KIAA0319L: variants seen among roughly 807,000 people sequenced by gnomAD.
The protein encoded by KIAA0319L is dyslexia-associated protein KIAA0319-like protein.
A neutral mutation model predicts 120.1 loss-of-function variants in KIAA0319L; 55 were observed. The ratio of observed to expected loss-of-function variants is 0.46; its 90% CI spans 0.37 to 0.57. The LOEUF (loss-of-function observed/expected upper bound fraction) is 0.57, where lower values mean the gene tolerates loss of function less well. KIAA0319L is among the 20% of genes least tolerant of loss of function. The pLI, the probability that KIAA0319L is intolerant of heterozygous loss-of-function variation, is 0.00. For missense variants in KIAA0319L, 1,049 were observed against 1,255.3 expected (o/e 0.84, Z 2.48); for synonymous variants, 398 against 471.9 (o/e 0.84, Z 2.03).
At chr1:35,511,869 A>G (rs1324532852) in intron 2 of KIAA0319L, among the ~76,000 whole-genome samples, 5 of 152,266 alleles carry the variant, frequency 3.3e-5, no homozygotes, top group Non-Finnish European at 5.9e-5. Context: ...ATCCCCCCTC[A>G]TAACTTAAGT....
chr1:35,554,819 C>G (rs1032202186), intron 1 of KIAA0319L: 1 of 176,512 alleles, frequency 5.7e-6, no homozygotes, highest in Non-Finnish European at 1.2e-5. Context: ...AGTACCAGCC[C>G]GCAGACAAGA....
chr1:35,460,284 T>TG (rs1418457688), intron 9 of KIAA0319L, 21 bp downstream of exon 9: 4 of 1,605,078 alleles, frequency 2.5e-6, no homozygotes, highest in Non-Finnish European at 3.4e-6. Context: ...ATGGTAAACT[T>TG]GAAGCTGAAT....
At chr1:35,515,596 A>AC (rs1645647825) in intron 2 of KIAA0319L, among the ~76,000 whole-genome samples, 1 of 152,220 alleles carries the variant, frequency 6.6e-6, no homozygotes, top group Non-Finnish European at 1.5e-5. Context: ...CTAAATACCC[A>AC]CATCAAAAGG....
chr1:35,525,658 T>C (rs1251975546), intron 2 of KIAA0319L, among the ~76,000 whole-genome samples: 1 of 152,196 alleles, frequency 6.6e-6, no homozygotes, highest in Non-Finnish European at 1.5e-5. Context: ...GATATGTAGA[T>C]CCTTTGCCCA....
At position 35,506,675 on chromosome 1, in the gene KIAA0319L, T is replaced by C. The variant is rs1360678480; in HGVS notation, c.603A>G (p.Thr201=). The change falls in exon 3 of 21, where the codon ACA becomes ACG. Residue 201 remains threonine (T), a synonymous_variant. Coordinates refer to ENST00000325722, the MANE Select transcript of KIAA0319L (RefSeq NM_024874.5). This position sits in a 1 kb window ranked among gnomAD's most constrained non-coding sequence, Gnocchi z 4.0. ...SPSDVVTPIV[T]QHSKVNDSNE... Reference sequence around the variant, plus strand: ...TGGAGTCATTCACTTTAGAATGCTGTGTCACTATAGGTGTAACTACGTCAC... The same window carrying C: ...TGGAGTCATTCACTTTAGAATGCTGCGTCACTATAGGTGTAACTACGTCAC... The C allele has an allele frequency of 6.2e-7, 1 of 1,614,222 alleles. No individual in the cohort carries two copies.
intron 2 of KIAA0319L, chr1:35,510,009 A>C (rs761953990): frequency 3.3e-5 from 5 of 149,670 alleles, no homozygotes; most frequent in Non-Finnish European, 4.4e-5. Flanking sequence ...CTGCAAGAGC[A>C]AACAAAAAGT....
chr1:35,467,890 T>G (rs1410560085), intron 6 of KIAA0319L, among the ~76,000 whole-genome samples: 5 of 152,162 alleles, frequency 3.3e-5, no homozygotes, highest in Non-Finnish European at 5.9e-5. Flanking sequence ...GGTTTTGCCA[T>G]GTTGGCCAGG....
intron 3 of KIAA0319L, among the ~76,000 whole-genome samples, chr1:35,500,206 C>CT (rs1644955439): frequency 5.3e-5 from 8 of 152,174 alleles, no homozygotes; most frequent in Admixed American, 5.2e-4. Context: ...AAATAAAGCA[C>CT]TTTTTTCTCT....
rs187566161 is a variant in KIAA0319L at position 35,493,404 on chromosome 1, G to A, written c.666+13208C>T. Among the ~76,000 whole-genome samples the A allele has an allele frequency of 6.5e-3, 981 of 151,662 alleles. 4 individuals carry two copies. Among genetic ancestry groups the A allele is most frequent in the Non-Finnish European group, 9.7e-3 (656 of 67,970 alleles). On this transcript the variant is annotated intron_variant, in intron 3 of 20. Transcript: ENST00000325722. The stretch of plus-strand genomic sequence containing the variant: ...AAGATGTGCAAGATCTCTGTTGGAG[G>A]AGGAGGTGCAAAAAAATAAAAATAA...
intron 3 of KIAA0319L, among the ~76,000 whole-genome samples, chr1:35,479,956 A>AC (rs1558421176): frequency 5.3e-5 from 7 of 133,012 alleles, no homozygotes; most frequent in African/African-American, 2.6e-4. Flanking sequence ...CCAAAAAAAA[A>AC]AAAAAAAAAA....
rs745375090 is a variant in KIAA0319L at position 35,449,979 on chromosome 1, G to A, written c.2241C>T (p.His747=). 2.5e-6 allele frequency: 4 copies of A among 1,614,160 alleles called. No individual in the cohort carries two copies. Among genetic ancestry groups the A allele is most frequent in the Non-Finnish European group, 2.5e-6 (3 of 1,179,992 alleles). ...CCAGGTTTGAAAGAAAAAGGATAGG[G>A]TGATGGTCAGAGTGATTTAACACCT... ...AGEVLNHSDH[H]PILFLSNLVE... The change falls in exon 15 of 21, where the codon CAC becomes CAT. Residue 747 remains histidine, a synonymous_variant. Coordinates refer to ENST00000325722, the MANE Select transcript of KIAA0319L (RefSeq NM_024874.5).
Position 35,434,963 on chromosome 1 carries a change from A to T in KIAA0319L, c.3081T>A (p.Gly1027=), listed in dbSNP as rs1459231545. The T allele has an allele frequency of 2.5e-6, 4 of 1,613,842 alleles. No individual in the cohort carries two copies. In the African/African-American group the frequency reaches 5.3e-5, roughly 22 times the overall value. ...PDREKGKLLH[G]QNGSVPNGQT... is the part of the protein sequence containing the mutation. ...GCCCGTTGGGTACAGAGCCATTCTG[A>T]CCATGCAGGAGTTTGCCCTTCTCTC... Residue 1027 remains glycine, a synonymous_variant, in exon 21 of 21, where the codon GGT becomes GGA. Transcript: ENST00000325722.
intron 2 of KIAA0319L, among the ~76,000 whole-genome samples, chr1:35,527,332 T>C (rs564410232): frequency 2.1e-4 from 32 of 152,332 alleles, no homozygotes; most frequent in African/African-American, 6.7e-4. Context: ...ACTGGGGATA[T>C]TGACCTGTAG....
At chr1:35,458,148 G>A (rs1642621016) in intron 9 of KIAA0319L, among the ~76,000 whole-genome samples, 1 of 152,136 alleles carries the variant, frequency 6.6e-6, no homozygotes, top group Non-Finnish European at 1.5e-5. Flanking sequence ...TTGTTAGCCA[G>A]GCTGGTCTCG....
At chr1:35,489,516 C>G (rs1372687496) in intron 3 of KIAA0319L, among the ~76,000 whole-genome samples, 1 of 152,084 alleles carries the variant, frequency 6.6e-6, no homozygotes, top group Non-Finnish European at 1.5e-5. Flanking sequence ...AACTGGAAGT[C>G]TGGGAAAGAA....
At chr1:35,515,705 C>T (rs1426349211) in intron 2 of KIAA0319L, among the ~76,000 whole-genome samples, 3 of 151,808 alleles carry the variant, frequency 2.0e-5, no homozygotes, top group Non-Finnish European at 4.4e-5. Flanking sequence ...TAACCAAAAT[C>T]GGAGCTGAAT....
intron 2 of KIAA0319L, among the ~76,000 whole-genome samples, chr1:35,531,988 C>T (rs939399990): frequency 1.3e-5 from 2 of 152,036 alleles, no homozygotes; most frequent in African/African-American, 2.4e-5. Context: ...AGGCCTGGCG[C>T]GGTTGCTCAG....
intron 3 of KIAA0319L, among the ~76,000 whole-genome samples, chr1:35,498,099 A>G (rs1426636892): frequency 1.3e-5 from 2 of 152,120 alleles, no homozygotes. Flanking sequence ...TTGGGAGGCC[A>G]AGGCAGGTGG....
At chr1:35,529,133 G>C (rs1050678475) in intron 2 of KIAA0319L, among the ~76,000 whole-genome samples, 1 of 152,130 alleles carries the variant, frequency 6.6e-6, no homozygotes, top group Non-Finnish European at 1.5e-5. Context: ...AAACTCCCAG[G>C]CTCAAGCAAT....
Sources: allele counts gnomAD v4.1 joint callset (sites outside exome capture counted in the v4.1 genomes callset), GRCh38; gene constraint gnomAD v4.1.1; non-coding constraint Gnocchi (gnomAD v3.1); transcripts MANE v1.5; gene names NCBI Gene and HGNC (gene_info 2026-07-23, HGNC 2026-07-21).